Variants in POLR2B observed in about 807,000 individuals in gnomAD.
POLR2B encodes the protein RNA polymerase II subunit B, also known as DNA-directed RNA polymerase II subunit RPB2.
In POLR2B, 57 loss-of-function variants were observed where a neutral mutation model predicts 144.6. That is an observed-to-expected ratio of 0.39 (90% confidence interval 0.32 to 0.49). POLR2B has a LOEUF of 0.49. Ranked by LOEUF, POLR2B falls within the 20% of genes least tolerant of loss-of-function variation. The pLI is 0.83. For missense variants in POLR2B, 595 were observed against 1,467.4 expected, an observed-to-expected ratio of 0.41 and a Z score of 9.71; for synonymous variants, 442 against 469.8, an observed-to-expected ratio of 0.94 and a Z score of 0.77.
rs141887921 is a variant in POLR2B, at chr4:57,005,917, C to T, written c.1217+198C>T. Reference sequence around the variant, plus strand: ...CCAGGTTTATGAGGACAATATATTACGTGTTTATATATTTTCTTTATTCCT... The same window carrying T: ...CCAGGTTTATGAGGACAATATATTATGTGTTTATATATTTTCTTTATTCCT... On this transcript the variant is annotated intron_variant, in intron 9 of 24. Transcript: ENST00000314595. Among the ~76,000 whole-genome samples the T allele has an allele frequency of 3.0e-3, 451 of 152,236 alleles. 5 individuals are homozygous for T. Among genetic ancestry groups the T allele is most frequent in the African/African-American group, 0.01 (423 of 41,552 alleles).
intron 7 of POLR2B, among the ~76,000 whole-genome samples, chr4:57,003,228 G>A (rs1484423872): frequency 1.3e-5 from 2 of 148,388 alleles, no homozygotes; most frequent in South Asian, 2.1e-4. Flanking sequence ...TCAGGAGATC[G>A]AGACCATCCT....
chr4:57,010,492 C>T lies in POLR2B; in HGVS notation c.1536C>T (p.Ala512=), dbSNP rs554711488. The T allele has an allele frequency of 7.3e-5, 118 of 1,613,486 alleles. No individual in the cohort carries two copies. Among genetic ancestry groups the T allele is most frequent in the South Asian group, 4.0e-4 (36 of 90,956 alleles). Reference sequence around the variant, plus strand: ...CGTTGTGGGGAATGGTGTGTCCTGCCGAGACCCCAGAGGTAATACATTAGA... The same window carrying T: ...CGTTGTGGGGAATGGTGTGTCCTGCTGAGACCCCAGAGGTAATACATTAGA... The part of the protein sequence containing the change: ...HNTLWGMVCP[A]ETPEGHAVGL... The change falls in exon 11 of 25, where the codon GCC becomes GCT. Residue 512 remains alanine, a synonymous_variant. Transcript: ENST00000314595.
In POLR2B at chr4:57,021,003, T is replaced by C; in HGVS notation, c.2420+8T>C. On this transcript the variant is annotated splice_region_variant and intron_variant, in intron 17 of 24. Transcript: ENST00000314595. Reference sequence around the variant, plus strand: ...AGACCGCGGCTTCTTCAGGTTAGTATTTTGTAAATTTGTCAAAACACAGAT... The same window carrying C: ...AGACCGCGGCTTCTTCAGGTTAGTACTTTGTAAATTTGTCAAAACACAGAT... 6.8e-7 allele frequency: 1 copy of C among 1,475,380 alleles called. No individual in the cohort carries two copies. Among genetic ancestry groups the C allele is most frequent in the Non-Finnish European group, 9.5e-7 (1 of 1,054,376 alleles). The allele number at this position is 1,475,380 out of a possible 1,614,324, so 91.4% of individuals were successfully genotyped here.
chr4:57,006,092 T>C (rs1316356658), intron 9 of POLR2B, among the ~76,000 whole-genome samples: 1 of 152,224 alleles, frequency 6.6e-6, no homozygotes, highest in Non-Finnish European at 1.5e-5. Flanking sequence ...CTCACAGTAT[T>C]GGTATTATGT....
chr4:57,029,456 G>T (rs1039412291), intron 23 of POLR2B, among the ~76,000 whole-genome samples: 1 of 152,098 alleles, frequency 6.6e-6, no homozygotes, highest in Non-Finnish European at 1.5e-5. Context: ...GTCCAAAGTC[G>T]ACCAATGATT....
At chr4:56,982,423 T>G (rs1269380090) in intron 1 of POLR2B, among the ~76,000 whole-genome samples, 1 of 152,012 alleles carries the variant, frequency 6.6e-6, no homozygotes. Flanking sequence ...ATTTAAAAAA[T>G]TAGCTGGGCA....
rs544584895 is a variant in POLR2B at position 57,023,821 on chromosome 4, C to G, written c.2856+70C>G. ...ATATTTTTTTTTTAATCAAAATTTGCTTTAACTTAAGAGCTCAAAGATGAT... is the reference window on the plus strand; with the variant it reads ...ATATTTTTTTTTTAATCAAAATTTGGTTTAACTTAAGAGCTCAAAGATGAT... On this transcript the variant is annotated intron_variant, in intron 20 of 24. Transcript: ENST00000314595. The surrounding 1 kb of genome is among the most constrained non-coding windows in gnomAD (Gnocchi z 4.3). 189 of 1,134,962 alleles carry G rather than the reference C, an allele frequency of 1.7e-4. No individual in the cohort carries two copies. The South Asian group carries it at 2.7e-3, about 16-fold the overall frequency. The allele number at this position is 1,134,962 out of a possible 1,614,324, so 70.3% of individuals were successfully genotyped here.
At chr4:56,984,330 CT>C (rs33978173) in intron 1 of POLR2B, among the ~76,000 whole-genome samples, 75,712 of 149,100 alleles carry the variant, frequency 0.51, 19,365 homozygotes, top group African/African-American at 0.58. Context: ...CAACTATGTA[CT>C]TTTTTTTTTT....
chr4:56,988,634 C>T (rs896726479), intron 2 of POLR2B, among the ~76,000 whole-genome samples: 8 of 152,130 alleles, frequency 5.3e-5, no homozygotes, highest in Admixed American at 5.2e-4. Flanking sequence ...TCTTTTGCCA[C>T]CTATAGCTAG....
At chr4:57,015,955 C>T (rs904618819) in intron 14 of POLR2B, among the ~76,000 whole-genome samples, 4 of 152,028 alleles carry the variant, frequency 2.6e-5, no homozygotes, top group African/African-American at 7.2e-5. Flanking sequence ...GACAGGGTTT[C>T]GCCATGTTGG....
Position 57,006,854 on chromosome 4 carries a change from C to G in POLR2B, c.1256C>G (p.Ala419Gly). Residue 419 changes from alanine (A) to glycine (G), a missense_variant, in exon 10 of 25, where the codon GCA becomes GGA. Ala to Gly is a moderately conservative substitution (Grantham distance 60). Around this residue, in one of 9 missense-constraint regions of POLR2B, gnomAD observed 251 missense variants for 567.3 expected, o/e 0.44. Transcript: ENST00000314595. ...TTGCTTAAAGAAGTGCGGATCTATG[C>G]ACAGAAATTTATTGATCGAGGAAAG... ...KNLLKEVRIY[A>G]QKFIDRGKDF... 6.2e-7 allele frequency: 1 copy of G among 1,613,470 alleles called. No homozygotes were observed. The highest frequency in any genetic ancestry group is 8.5e-7 in the Non-Finnish European group (1 of 1,179,530).
intron 2 of POLR2B, 78 bp from the exon 3 acceptor site, chr4:56,990,670 G>A (rs1578560036): frequency 1.1e-5 from 13 of 1,222,634 alleles, no homozygotes; most frequent in Non-Finnish European, 1.5e-5. Flanking sequence ...TAATGAAAAT[G>A]GGGAAATAAT....
intron 7 of POLR2B, among the ~76,000 whole-genome samples, chr4:57,001,084 T>A (rs1312435539): frequency 6.6e-6 from 1 of 152,248 alleles, no homozygotes; most frequent in Non-Finnish European, 1.5e-5. Flanking sequence ...TAATTCAAGT[T>A]TAATCTCTTT....
intron 7 of POLR2B, among the ~76,000 whole-genome samples, chr4:57,002,464 A>C (rs758928999): frequency 2.6e-5 from 4 of 152,184 alleles, no homozygotes; most frequent in Non-Finnish European, 4.4e-5. Context: ...TCAAGCATTC[A>C]CTTCATAAAA....
intron 18 of POLR2B, 26 bp downstream of exon 18, chr4:57,022,272 T>C: frequency 9.8e-6 from 14 of 1,429,726 alleles, no homozygotes; most frequent in Non-Finnish European, 1.4e-5. Flanking sequence ...ATTTAAATGA[T>C]GGAATCCAAA....
chr4:56,979,706 C>T (rs1560468318), intron 1 of POLR2B, among the ~76,000 whole-genome samples: 4 of 152,050 alleles, frequency 2.6e-5, no homozygotes, highest in Non-Finnish European at 1.5e-5. Flanking sequence ...TGAGACCAAC[C>T]TGACAAACAT....
Position 57,023,602 on chromosome 4 carries a change from T to C in POLR2B, c.2766+22T>C. On this transcript the variant is annotated intron_variant, in intron 19 of 24. Transcript: ENST00000314595. The surrounding 1 kb of genome is among the most constrained non-coding windows in gnomAD (Gnocchi z 4.3). Reference sequence around the variant, plus strand: ...AAGGGTGAGTACAACTTTGTTCATGTAGCTAGTTTTAGAAAGTAAACCAAA... The same window carrying C: ...AAGGGTGAGTACAACTTTGTTCATGCAGCTAGTTTTAGAAAGTAAACCAAA... The C allele has an allele frequency of 6.2e-7, 1 of 1,612,324 alleles. No homozygotes were observed. Among genetic ancestry groups the C allele is most frequent in the Non-Finnish European group, 8.5e-7 (1 of 1,178,600 alleles).
intron 2 of POLR2B, among the ~76,000 whole-genome samples, chr4:56,989,119 A>G (rs1722428980): frequency 2.0e-5 from 3 of 152,232 alleles, no homozygotes; most frequent in Admixed American, 2.0e-4. Context: ...TTCAGGTAAA[A>G]TAAACAGAGT....
At chr4:56,991,361 C>T (rs1000426401) in intron 3 of POLR2B, among the ~76,000 whole-genome samples, 5 of 152,164 alleles carry the variant, frequency 3.3e-5, no homozygotes, top group African/African-American at 1.2e-4. Context: ...CTTTTGCTCA[C>T]ATATATGCAG....
Sources: allele counts gnomAD v4.1 joint callset (sites outside exome capture counted in the v4.1 genomes callset), GRCh38; gene constraint gnomAD v4.1.1; regional missense constraint gnomAD v4.1.1; non-coding constraint Gnocchi (gnomAD v3.1); transcripts MANE v1.5; gene names NCBI Gene and HGNC (gene_info 2026-07-23, HGNC 2026-07-21).